PLD5: variants seen among roughly 807,000 people sequenced by gnomAD.
PLD5 encodes the protein phospholipase D family member 5.
A neutral mutation model predicts 61.1 loss-of-function variants in PLD5; 36 were observed. That is an observed-to-expected ratio of 0.59 (90% CI 0.45 to 0.78). The LOEUF (loss-of-function observed/expected upper bound fraction) is 0.78, where lower values mean the gene tolerates loss of function less well. PLD5 is among the 30% of genes least tolerant of loss of function. The pLI, the probability that PLD5 is intolerant of heterozygous loss-of-function variation, is 0.00. For synonymous variants in PLD5, 243 were observed against 242.8 expected (o/e 1.00, Z -0.01); for missense variants, 515 against 644.4 (o/e 0.80, Z 2.17).
Position 242,100,708 on chromosome 1 carries a change from A to G in PLD5, c.1314T>C (p.Asn438=), listed in dbSNP as rs201457263. 27 of 1,613,924 alleles carry G rather than the reference A, an allele frequency of 1.7e-5. No homozygotes were observed. The highest frequency in any genetic ancestry group is 1.6e-4 in the Middle Eastern group (1 of 6,084). Residue 438 remains asparagine, a synonymous_variant, in exon 9 of 10, where the codon AAT becomes AAC. Coordinates refer to ENST00000536534, the MANE Select transcript of PLD5 (RefSeq NM_001372062.1). ...CATCTGTCACCATGTACTTGTTGCG[A>G]TTTAACCTAGGAAAGGTGTGATTCT... ...EQKNHTFPRL[N]RNKYMVTDGA...
At chr1:242,420,881 A>AT (rs1211020060) in intron 1 of PLD5, among the ~76,000 whole-genome samples, 2 of 152,080 alleles carry the variant, frequency 1.3e-5, no homozygotes, top group African/African-American at 4.8e-5. Context: ...TTATTTTAGT[A>AT]TTTTAAAAAG....
At chr1:242,163,760 AAAAGGAAATGG>A (rs1666082558) in intron 5 of PLD5, among the ~76,000 whole-genome samples, 1 of 148,638 alleles carries the variant, frequency 6.7e-6, no homozygotes, top group Non-Finnish European at 1.5e-5. Flanking sequence ...AAGGAGATGG[AAAAGGAAATGG>A]AAAGGAAGAA....
At chr1:242,307,948 G>T (rs2494894) in intron 2 of PLD5, among the ~76,000 whole-genome samples, 2 of 152,100 alleles carry the variant, frequency 1.3e-5, no homozygotes, top group African/African-American at 4.8e-5. Flanking sequence ...TCTACTTGAC[G>T]TGTCAATGGA....
At chr1:242,192,471 C>T (rs1302661808) in intron 5 of PLD5, among the ~76,000 whole-genome samples, 1 of 152,160 alleles carries the variant, frequency 6.6e-6, no homozygotes, top group African/African-American at 2.4e-5. Flanking sequence ...TTAAACCCTT[C>T]ATTGCACTTC....
chr1:242,446,617 T>C (rs1453951874), intron 1 of PLD5, among the ~76,000 whole-genome samples: 2 of 152,168 alleles, frequency 1.3e-5, no homozygotes, highest in Non-Finnish European at 2.9e-5. Flanking sequence ...TCTGAGCAAC[T>C]TTATATCCTC....
chr1:242,272,112 A>G (rs1439829665), intron 3 of PLD5, among the ~76,000 whole-genome samples: 3 of 152,244 alleles, frequency 2.0e-5, no homozygotes, highest in African/African-American at 7.2e-5. Flanking sequence ...CAGGATAAAC[A>G]ATCTCAGTAA....
intron 4 of PLD5, among the ~76,000 whole-genome samples, chr1:242,264,821 C>A (rs2149102353): frequency 6.6e-6 from 1 of 152,332 alleles, no homozygotes; most frequent in South Asian, 2.1e-4. Flanking sequence ...GAATTATCTT[C>A]AGTCTTCATG....
intron 1 of PLD5, among the ~76,000 whole-genome samples, chr1:242,522,230 T>G (rs1256270944): frequency 1.3e-5 from 2 of 152,210 alleles, no homozygotes; most frequent in Non-Finnish European, 2.9e-5. Context: ...TTTTTAAAAA[T>G]GTATGCAATG....
intron 4 of PLD5, among the ~76,000 whole-genome samples, chr1:242,226,138 T>A (rs1031861144): frequency 1.3e-5 from 2 of 152,248 alleles, no homozygotes; most frequent in African/African-American, 4.8e-5. Context: ...AATATATTTT[T>A]AAGACAGCTT....
intron 1 of PLD5, among the ~76,000 whole-genome samples, chr1:242,479,912 A>G (rs1302446453): frequency 2.0e-5 from 3 of 151,728 alleles, no homozygotes; most frequent in Non-Finnish European, 1.5e-5. Flanking sequence ...TTCACCAGGC[A>G]TGTTGGTGTG....
At chr1:242,207,824 TTATATATATTTATATATTTATA>T (rs1558343928) in intron 5 of PLD5, among the ~76,000 whole-genome samples, 20 of 51,898 alleles carry the variant, frequency 3.9e-4, no homozygotes, top group African/African-American at 1.5e-3. Flanking sequence ...ATTTATATAT[TTATATATATTTATATATTTATA>T]TATATTTATA....
intron 9 of PLD5, among the ~76,000 whole-genome samples, chr1:242,095,949 TTCTC>T (rs908292605): frequency 6.6e-6 from 1 of 152,016 alleles, no homozygotes; most frequent in African/African-American, 2.4e-5. Context: ...TGAAATAATA[TTCTC>T]TCTTTTTTTT....
At chr1:242,138,138 G>A (rs773601418) in intron 5 of PLD5, among the ~76,000 whole-genome samples, 2 of 152,132 alleles carry the variant, frequency 1.3e-5, no homozygotes, top group African/African-American at 4.8e-5. Flanking sequence ...TGCTTAGTTC[G>A]TAGACTGGTA....
intron 1 of PLD5, among the ~76,000 whole-genome samples, chr1:242,394,888 A>ATATATGAT (rs1553366806): frequency 0.021 from 1,573 of 74,616 alleles, 75 homozygotes; most frequent in Admixed American, 0.092. Flanking sequence ...GAATATATGT[A>ATATATGAT]TATATATGAT....
intron 1 of PLD5, among the ~76,000 whole-genome samples, chr1:242,517,237 T>C (rs1367507151): frequency 2.0e-5 from 3 of 150,202 alleles, no homozygotes; most frequent in Non-Finnish European, 4.4e-5. Flanking sequence ...CAATGCCAAC[T>C]AAAAGCGATG....
intron 1 of PLD5, chr1:242,377,485 C>CA (rs1662030719): frequency 1.5e-6 from 1 of 669,904 alleles, no homozygotes; most frequent in South Asian, 1.9e-5. Context: ...TAATAGTAAA[C>CA]ACAGCTTCTT....
At chr1:242,348,358 T>G (rs1660260490) in intron 1 of PLD5, 116 bp from the exon 2 acceptor site, 1 of 1,142,320 alleles carries the variant, frequency 8.8e-7, no homozygotes, top group African/African-American at 1.6e-5. Context: ...CGATTATCAC[T>G]GCCTAGAAGG....
At chr1:242,191,273 T>C (rs1668268089) in intron 5 of PLD5, among the ~76,000 whole-genome samples, 1 of 152,112 alleles carries the variant, frequency 6.6e-6, no homozygotes, top group Non-Finnish European at 1.5e-5. Flanking sequence ...GAGAGTTTAT[T>C]TAAAAGAAGG....
At chr1:242,457,013 C>T (rs1226449216) in intron 1 of PLD5, among the ~76,000 whole-genome samples, 1 of 152,186 alleles carries the variant, frequency 6.6e-6, no homozygotes, top group Non-Finnish European at 1.5e-5. Context: ...CTCGCTTATT[C>T]TGTTTCTCTA....
Sources: allele counts gnomAD v4.1 joint callset (sites outside exome capture counted in the v4.1 genomes callset), GRCh38; gene constraint gnomAD v4.1.1; transcripts MANE v1.5; gene names NCBI Gene and HGNC (gene_info 2026-07-23, HGNC 2026-07-21).